POLN: variants seen among roughly 807,000 people sequenced by gnomAD.
POLN encodes DNA polymerase N.
Under a neutral mutation model 113.5 loss-of-function variants are expected in POLN, and 108 were observed. That is an observed-to-expected ratio of 0.95 (90% CI 0.81 to 1.12). The LOEUF is 1.12. POLN is among the 50% of genes most tolerant of loss of function. The probability of loss-of-function intolerance (pLI) is 0.00; values close to 1 mark genes in which losing one functional copy is unlikely to be tolerated. For synonymous variants in POLN, 386 were observed against 391.5 expected (o/e 0.99, Z 0.17); for missense variants, 1,097 against 1,077.1 (o/e 1.02, Z -0.26).
intron 23 of POLN, chr4:2,080,384 C>G: frequency 1.9e-6 from 2 of 1,028,198 alleles, no homozygotes; most frequent in Non-Finnish European, 2.3e-6. Flanking sequence ...CCCACCAAGG[C>G]ACATCTGCAT....
At chr4:2,185,742 T>A (rs1008909567) in intron 7 of POLN, among the ~76,000 whole-genome samples, 2 of 152,082 alleles carry the variant, frequency 1.3e-5, no homozygotes, top group African/African-American at 4.8e-5. Context: ...CGAGACTCCA[T>A]CTCAAAAACA....
At chr4:2,240,852 TCAAA>T in intron 2 of POLN, 3 of 1,613,204 alleles carry the variant, frequency 1.9e-6, no homozygotes, top group Non-Finnish European at 2.5e-6. Context: ...TTCAACGCCC[TCAAA>T]CAACCAGTCA....
chr4:2,213,182 G>C (rs1336229619), intron 3 of POLN, 56 bp from the exon 4 acceptor site: 3 of 1,102,666 alleles, frequency 2.7e-6, no homozygotes, highest in African/African-American at 3.2e-5. Context: ...TGATATCTAA[G>C]TCACACAGTT....
intron 22 of POLN, 37 bp from the exon 23 acceptor site, chr4:2,081,073 C>T: frequency 3.1e-6 from 5 of 1,612,866 alleles, no homozygotes; most frequent in Non-Finnish European, 3.4e-6. Flanking sequence ...GGTCCCATGG[C>T]ACACGGTTCA....
rs752406091 is a variant in POLN, at chr4:2,198,507, G to T, written c.908+17C>A. The T allele has an allele frequency of 1.3e-6, 2 of 1,598,434 alleles. No individual in the cohort carries two copies. Among genetic ancestry groups the T allele is most frequent in the Admixed American group, 1.7e-5 (1 of 58,842 alleles). On this transcript the variant is annotated intron_variant, in intron 6 of 25. Transcript: ENST00000511885. ...GCATGTAAGTAGGGTGTGAGCCCAT[G>T]TGTGAAGATTTCTTACCGGGCAAAT... is the stretch of plus-strand genomic sequence containing the variant.
chr4:2,226,150 G>A (rs1317415519), intron 3 of POLN, among the ~76,000 whole-genome samples: 1 of 151,330 alleles, frequency 6.6e-6, no homozygotes, highest in Non-Finnish European at 1.5e-5. Context: ...GGTTGGAGAA[G>A]AATCATTTCA....
At chr4:2,222,299 G>A (rs2108770363) in intron 3 of POLN, among the ~76,000 whole-genome samples, 1 of 152,122 alleles carries the variant, frequency 6.6e-6, no homozygotes, top group South Asian at 2.1e-4. Flanking sequence ...GCTCATGCCT[G>A]TAATCCCAGC....
chr4:2,130,430 G>A (rs1731697847), intron 17 of POLN, among the ~76,000 whole-genome samples: 1 of 152,202 alleles, frequency 6.6e-6, no homozygotes. Flanking sequence ...AGGGTAGGAC[G>A]TGTACAGGGC....
chr4:2,170,851 T>C (rs984434396), intron 12 of POLN, 77 bp from the exon 13 acceptor site: 2 of 1,309,210 alleles, frequency 1.5e-6, no homozygotes, highest in East Asian at 2.3e-5. Context: ...GCAGAGCCCA[T>C]GCCAACAGCC....
At chr4:2,170,838 A>G (rs546516487) in intron 12 of POLN, 64 bp from the exon 13 acceptor site, 7 of 1,425,810 alleles carry the variant, frequency 4.9e-6, no homozygotes, top group Admixed American at 1.7e-5. Flanking sequence ...GAACATTACT[A>G]TAGCAGAGCC....
intron 19 of POLN, 44 bp from the exon 20 acceptor site, chr4:2,095,977 T>C (rs1730781143): frequency 6.5e-7 from 1 of 1,545,522 alleles, no homozygotes; most frequent in Non-Finnish European, 8.9e-7. Flanking sequence ...CAGAAGGCAC[T>C]GTCAGTGCAG....
chr4:2,075,004 G>A (rs1204161856), intron 24 of POLN, among the ~76,000 whole-genome samples: 9 of 152,164 alleles, frequency 5.9e-5, no homozygotes, highest in Admixed American at 5.9e-4. Context: ...CAGGCCTGAA[G>A]TCTGTGCTGA....
At chr4:2,192,771 C>G (rs1733483338) in intron 7 of POLN, among the ~76,000 whole-genome samples, 1 of 151,348 alleles carries the variant, frequency 6.6e-6, no homozygotes, top group African/African-American at 2.4e-5. Flanking sequence ...AGTTTGAGAC[C>G]AGCCTGGGCA....
intron 21 of POLN, among the ~76,000 whole-genome samples, chr4:2,083,991 A>C (rs2108691574): frequency 6.6e-6 from 1 of 152,372 alleles, no homozygotes; most frequent in East Asian, 1.9e-4. Context: ...GGGGCAGCCA[A>C]GTGCCCCGTG....
chr4:2,084,758 T>G (rs1246998025), intron 21 of POLN, among the ~76,000 whole-genome samples: 1 of 152,238 alleles, frequency 6.6e-6, no homozygotes, highest in Non-Finnish European at 1.5e-5. Flanking sequence ...TCTAAGATGC[T>G]GGTCCTGCTG....
At chr4:2,089,046 A>T in intron 20 of POLN, 1 of 879,616 alleles carries the variant, frequency 1.1e-6, no homozygotes, top group South Asian at 1.5e-5. Context: ...CCTAGCTTTG[A>T]ACTTAGAACT....
At chr4:2,239,744 C>G (rs1734902686) in intron 2 of POLN, among the ~76,000 whole-genome samples, 1 of 152,166 alleles carries the variant, frequency 6.6e-6, no homozygotes, top group South Asian at 2.1e-4. Flanking sequence ...AAATCTCAGT[C>G]CAGTCTGTAT....
chr4:2,208,258 T>A lies in POLN; in HGVS notation c.443A>T (p.Asn148Ile). 1 of 1,587,018 alleles carries A rather than the reference T, an allele frequency of 6.3e-7. No homozygotes were observed. The highest frequency in any genetic ancestry group is 8.6e-7 in the Non-Finnish European group (1 of 1,161,194). The change falls in exon 5 of 26, where the codon AAT (asparagine) becomes ATT (isoleucine). Residue 148 changes from asparagine to isoleucine, a missense_variant. Asn to Ile is a moderately radical substitution (Grantham distance 149). Coordinates refer to ENST00000511885, the MANE Select transcript of POLN (RefSeq NM_181808.4). The stretch of plus-strand genomic sequence containing the variant: ...TCTTTTAAGATTAATGCTTCCTTTA[T>A]TTTCATTATTTATATTCTCCATTAG... Reference protein sequence around the residue: ...HFLMENINNENKGSINLKRKH... With the variant: ...HFLMENINNEIKGSINLKRKH...
chr4:2,146,271 C>T (rs533699058), intron 16 of POLN, among the ~76,000 whole-genome samples: 31 of 151,216 alleles, frequency 2.1e-4, no homozygotes, highest in South Asian at 4.2e-4. Context: ...TTTGGGCGGC[C>T]GAGGCAGGCG....
Sources: gnomAD v4.1 joint callset for allele counts (sites outside exome capture counted in the v4.1 genomes callset) on GRCh38, gnomAD v4.1.1 for gene constraint, MANE v1.5 for transcripts, NCBI Gene and HGNC (gene_info 2026-07-23, HGNC 2026-07-21) for gene names.